BCAS3: variants seen among roughly 807,000 people sequenced by gnomAD.
BCAS3 encodes BCAS4/BCAS3 fusion.
A neutral mutation model predicts 116.1 loss-of-function variants in BCAS3; 53 were observed. That is an observed-to-expected ratio of 0.46 (90% CI 0.37 to 0.57). The LOEUF is 0.57. BCAS3 is among the 20% of genes least tolerant of loss of function. The probability of loss-of-function intolerance (pLI) is 0.00; values close to 1 mark genes in which losing one functional copy is unlikely to be tolerated. For synonymous variants in BCAS3, 391 were observed against 408.2 expected (o/e 0.96, Z 0.51); for missense variants, 917 against 1,165.4 (o/e 0.79, Z 3.10).
Position 61,007,708 on chromosome 17 carries a change from TAA to T in BCAS3, c.1487-8032_1487-8031del, listed in dbSNP as rs560982056. 6.9e-6 allele frequency among the ~76,000 whole-genome samples: 1 copy of T among 144,538 alleles called. No individual in the cohort carries two copies. The allele number at this position is 144,538 out of a possible 152,430, so 94.8% of individuals were successfully genotyped here. A position where few individuals can be genotyped will look rare whatever the true frequency, so the allele number is the denominator to read the frequency against. On this transcript the variant is annotated intron_variant, in intron 15 of 23. Transcript: ENST00000407086. The surrounding 1 kb of genome is among the most constrained non-coding windows in gnomAD (Gnocchi z 4.3). ...TAATAATCTCAATCCCCATCCTGTTTAAAAAAAAAAAAGAAAGATTGGATTCT... is the reference window on the plus strand; with the variant it reads ...TAATAATCTCAATCCCCATCCTGTTTAAAAAAAAAAGAAAGATTGGATTCT...
intron 6 of BCAS3, among the ~76,000 whole-genome samples, chr17:60,790,769 A>T (rs2046699124): frequency 2.3e-5 from 3 of 131,780 alleles, no homozygotes; most frequent in Admixed American, 8.0e-5. Flanking sequence ...TTTGAGATAG[A>T]GTCTTGCTCT....
intron 6 of BCAS3, among the ~76,000 whole-genome samples, chr17:60,781,779 A>G (rs1019816731): frequency 1.1e-4 from 17 of 152,078 alleles, no homozygotes; most frequent in African/African-American, 4.1e-4. Context: ...CCTATTTTTC[A>G]TAATTCCATT....
intron 19 of BCAS3, among the ~76,000 whole-genome samples, chr17:61,071,582 T>G (rs113199339): frequency 1.3e-5 from 2 of 152,170 alleles, no homozygotes; most frequent in African/African-American, 2.4e-5. Context: ...GAGGACCACA[T>G]TTGGAGGAAC....
intron 22 of BCAS3, among the ~76,000 whole-genome samples, chr17:61,178,967 T>C (rs2079310833): frequency 6.6e-6 from 1 of 152,170 alleles, no homozygotes. Flanking sequence ...GATGTTTTCC[T>C]GGGCTTGGGT....
intron 14 of BCAS3, among the ~76,000 whole-genome samples, chr17:60,957,510 A>G (rs1321768820): frequency 6.6e-6 from 1 of 152,178 alleles, no homozygotes; most frequent in Non-Finnish European, 1.5e-5. Flanking sequence ...TTTTTCTGCA[A>G]AAACGTCATT....
At chr17:60,854,794 CCA>C (rs1317694707) in intron 7 of BCAS3, among the ~76,000 whole-genome samples, 1 of 152,108 alleles carries the variant, frequency 6.6e-6, no homozygotes, top group African/African-American at 2.4e-5. Context: ...AAATTTATGT[CCA>C]CACAGCCTGC....
chr17:60,987,647 G>A (rs746616595), intron 14 of BCAS3, among the ~76,000 whole-genome samples: 14 of 152,030 alleles, frequency 9.2e-5, no homozygotes, highest in Non-Finnish European at 1.9e-4. Flanking sequence ...CATTTGGCAT[G>A]TAGAAATGCT....
rs2055491873 is a variant in BCAS3 at position 61,323,645 on chromosome 17, A to G, written c.2426-44682A>G. Among the ~76,000 whole-genome samples, 1 of 152,204 alleles carries G rather than the reference A, an allele frequency of 6.6e-6. No individual in the cohort carries two copies. The highest frequency in any genetic ancestry group is 1.5e-5 in the Non-Finnish European group (1 of 68,032). ...GAATTTGGGGAGAAATTGGTGACCA[A>G]GGGTCTCCAGTTCCTTCCTCCATAT... On this transcript the variant is annotated intron_variant, in intron 22 of 23. Coordinates refer to ENST00000407086, the MANE Select transcript of BCAS3 (RefSeq NM_017679.5). This position sits in a 1 kb window ranked among gnomAD's most constrained non-coding sequence, Gnocchi z 4.6.
At chr17:61,005,077 G>GAATT (rs1386155583) in intron 15 of BCAS3, among the ~76,000 whole-genome samples, 1 of 152,070 alleles carries the variant, frequency 6.6e-6, no homozygotes, top group Admixed American at 6.6e-5. Context: ...GCTTGACAGG[G>GAATT]AATTACAGGG....
At chr17:61,334,497 C>G (rs1340472992) in intron 22 of BCAS3, among the ~76,000 whole-genome samples, 1 of 151,974 alleles carries the variant, frequency 6.6e-6, no homozygotes, top group Non-Finnish European at 1.5e-5. Context: ...GAAACCTGGT[C>G]TCTACTGAAA....
At chr17:61,163,403 G>A (rs564862466) in intron 22 of BCAS3, among the ~76,000 whole-genome samples, 11 of 148,378 alleles carry the variant, frequency 7.4e-5, no homozygotes, top group Admixed American at 6.7e-4. Context: ...CAGCCTGGGC[G>A]ACAGAGCGAG....
chr17:61,385,024 T>C (rs190674023), intron 23 of BCAS3, among the ~76,000 whole-genome samples: 2 of 152,274 alleles, frequency 1.3e-5, no homozygotes, highest in African/African-American at 4.8e-5. Flanking sequence ...TCCTAAAAAG[T>C]GCCCTGGGGG....
chr17:61,322,830 CAGAGAGAGAGAGAGAGAG>C (rs1237128472), intron 22 of BCAS3, among the ~76,000 whole-genome samples: 1 of 75,434 alleles, frequency 1.3e-5, no homozygotes, highest in Non-Finnish European at 2.8e-5. Context: ...GAGAGAGAGA[CAGAGAGAGAGAGAGAGAG>C]AGAGAGACAG....
chr17:61,167,337 G>C (rs887535570), intron 22 of BCAS3, among the ~76,000 whole-genome samples: 1 of 152,132 alleles, frequency 6.6e-6, no homozygotes, highest in African/African-American at 2.4e-5. Context: ...TTCCTTAAAA[G>C]AAGATAAAAC....
At chr17:61,234,895 A>G (rs1482316060) in intron 22 of BCAS3, among the ~76,000 whole-genome samples, 2 of 150,680 alleles carry the variant, frequency 1.3e-5, no homozygotes, top group Non-Finnish European at 3.0e-5. Flanking sequence ...TTACTTATTT[A>G]TTTATTTATT....
rs575668519 is a variant in BCAS3, at chr17:60,994,670, C to G, written c.1486+4435C>G. On this transcript the variant is annotated intron_variant, in intron 15 of 23. Coordinates refer to ENST00000407086, the MANE Select transcript of BCAS3 (RefSeq NM_017679.5). The surrounding 1 kb of genome is among the most constrained non-coding windows in gnomAD (Gnocchi z 4.4). ...ACCATACCTAGATTTCTGTACCCTT[C>G]CCTGAATATGCCACATGTATTTATT... 6.6e-6 allele frequency among the ~76,000 whole-genome samples: 1 copy of G among 152,292 alleles called. No individual in the cohort carries two copies. The highest frequency in any genetic ancestry group is 6.5e-5 in the Admixed American group (1 of 15,300).
At chr17:61,050,368 A>T (rs78822598) in intron 19 of BCAS3, among the ~76,000 whole-genome samples, 6,279 of 151,986 alleles carry the variant, frequency 0.041, 471 homozygotes, top group African/African-American at 0.14. Context: ...AAAAAATGGC[A>T]TATTGTTTTT....
rs1183233688 is a variant in BCAS3, at chr17:61,249,809, AACTTTCTGTTATCTACCTGATAGACCC to A, written c.2426-118516_2426-118490del. On this transcript the variant is annotated intron_variant, in intron 22 of 23. Transcript: ENST00000407086. The surrounding 1 kb of genome is among the most constrained non-coding windows in gnomAD (Gnocchi z 6.2). ...ATCTGTTATCTGTCAAAAGGGAAAA[AACTTTCTGTTATCTACCTGATAGACCC>A]ATGGAATACAAAAAAAATGTGATGA... Among the ~76,000 whole-genome samples the A allele has an allele frequency of 6.6e-6, 1 of 152,098 alleles. No individual in the cohort carries two copies. The highest frequency in any genetic ancestry group is 2.4e-5 in the African/African-American group (1 of 41,414).
chr17:61,388,596 T>A lies in BCAS3; in HGVS notation c.2594-3381T>A. ...TCCATATCTTTTCCAAAAAGATTCCTCAATGCTTTTCTTTTCAAAAGGGAA... is the reference window on the plus strand; with the variant it reads ...TCCATATCTTTTCCAAAAAGATTCCACAATGCTTTTCTTTTCAAAAGGGAA... On this transcript the variant is annotated intron_variant, in intron 23 of 23. Transcript: ENST00000407086. The surrounding 1 kb of genome is among the most constrained non-coding windows in gnomAD (Gnocchi z 6.5). 6.5e-7 allele frequency: 1 copy of A among 1,527,332 alleles called. No individual in the cohort carries two copies. Among genetic ancestry groups the A allele is most frequent in the Non-Finnish European group, 8.7e-7 (1 of 1,143,292 alleles). 94.6% of individuals were successfully genotyped at this position (1,527,332 alleles called of 1,614,324 possible).
Sources: gnomAD v4.1 joint callset for allele counts (sites outside exome capture counted in the v4.1 genomes callset) on GRCh38, gnomAD v4.1.1 for gene constraint, Gnocchi (gnomAD v3.1) non-coding constraint, MANE v1.5 for transcripts, NCBI Gene and HGNC (gene_info 2026-07-23, HGNC 2026-07-21) for gene names.